CSGALNACT1: variants seen among roughly 807,000 people sequenced by gnomAD.
CSGALNACT1 encodes the protein beta4GalNAcT-1.
CSGALNACT1 carries 52 observed loss-of-function variants against 51.0 expected under a neutral mutation model. The observed-to-expected ratio is 1.02, with a 90% CI of 0.82 to 1.29. The LOEUF (loss-of-function observed/expected upper bound fraction) is 1.29, where lower values mean the gene tolerates loss of function less well. Among genes scored for constraint, CSGALNACT1 ranks in the 50% most tolerant of loss-of-function variants. CSGALNACT1 has a pLI of 0.00. For missense variants in CSGALNACT1, 935 were observed against 679.2 expected, an observed-to-expected ratio of 1.38 and a Z score of -4.19; for synonymous variants, 341 against 254.4, an observed-to-expected ratio of 1.34 and a Z score of -3.24.
chr8:19,672,311 A>G (rs1344407110), intron 1 of CSGALNACT1, among the ~76,000 whole-genome samples: 1 of 152,214 alleles, frequency 6.6e-6, no homozygotes, highest in Non-Finnish European at 1.5e-5. Context: ...AGGAACAGAG[A>G]AGAACATGCA....
intron 1 of CSGALNACT1, among the ~76,000 whole-genome samples, chr8:19,752,533 A>G (rs1212643281): frequency 1.3e-5 from 2 of 152,222 alleles, no homozygotes; most frequent in African/African-American, 4.8e-5. Context: ...TAAGTCAAAG[A>G]CCACCATTTT....
chr8:19,650,939 G>T (rs1195681287), intron 1 of CSGALNACT1, among the ~76,000 whole-genome samples: 1 of 152,108 alleles, frequency 6.6e-6, no homozygotes, highest in Non-Finnish European at 1.5e-5. Context: ...CTGGAAAGAG[G>T]CATCACCAGA....
chr8:19,711,919 C>G (rs961034409), intron 1 of CSGALNACT1, among the ~76,000 whole-genome samples: 1 of 152,174 alleles, frequency 6.6e-6, no homozygotes, highest in Admixed American at 6.5e-5. Flanking sequence ...ATTGAACCTT[C>G]CCACTAACTC....
chr8:19,580,592 G>A (rs1195572106), intron 3 of CSGALNACT1, among the ~76,000 whole-genome samples: 1 of 152,196 alleles, frequency 6.6e-6, no homozygotes, highest in African/African-American at 2.4e-5. Context: ...GAATAGAACA[G>A]CATCCAGAGA....
chr8:19,709,046 T>TA (rs1291786350), intron 1 of CSGALNACT1, among the ~76,000 whole-genome samples: 1 of 152,212 alleles, frequency 6.6e-6, no homozygotes, highest in Non-Finnish European at 1.5e-5. Flanking sequence ...TTATCATATT[T>TA]ATGTCTGTAT....
chr8:19,721,096 T>C (rs1454350592), intron 1 of CSGALNACT1, among the ~76,000 whole-genome samples: 1 of 152,248 alleles, frequency 6.6e-6, no homozygotes, highest in Non-Finnish European at 1.5e-5. Context: ...CCTTTTCTGC[T>C]GGAATTCAGT....
chr8:19,692,179 C>A (rs1439126781), intron 1 of CSGALNACT1, among the ~76,000 whole-genome samples: 1 of 152,144 alleles, frequency 6.6e-6, no homozygotes, highest in Non-Finnish European at 1.5e-5. Flanking sequence ...CTGGTCCCTC[C>A]CTCGACACAC....
chr8:19,612,946 GAAAAAAAAAAAAAA>G (rs1165754811), intron 1 of CSGALNACT1, among the ~76,000 whole-genome samples: 41 of 15,450 alleles, frequency 2.7e-3, no homozygotes, highest in South Asian at 5.6e-3. Context: ...AAAGCAGCTG[GAAAAAAAAAAAAAA>G]AAAAAAAAAA....
chr8:19,752,162 T>C (rs1225518704), intron 1 of CSGALNACT1, among the ~76,000 whole-genome samples: 1 of 148,208 alleles, frequency 6.7e-6, no homozygotes, highest in East Asian at 1.9e-4. Flanking sequence ...ACATATCATA[T>C]ATGAGTATAT....
chr8:19,456,501 A>G (rs775057125), intron 5 of CSGALNACT1, among the ~76,000 whole-genome samples: 1 of 152,254 alleles, frequency 6.6e-6, no homozygotes, highest in Non-Finnish European at 1.5e-5. Flanking sequence ...CAGGTTCAAC[A>G]ACTGCATTCA....
At chr8:19,697,462 G>C (rs560448683) in intron 1 of CSGALNACT1, among the ~76,000 whole-genome samples, 1 of 152,300 alleles carries the variant, frequency 6.6e-6, no homozygotes, top group Admixed American at 6.5e-5. Flanking sequence ...AGTCACATTA[G>C]CACCTGGGGA....
At chr8:19,557,395 G>C (rs557622516) in intron 3 of CSGALNACT1, among the ~76,000 whole-genome samples, 1 of 152,100 alleles carries the variant, frequency 6.6e-6, no homozygotes, top group African/African-American at 2.4e-5. Flanking sequence ...TTATGTTCCA[G>C]CTCCAGACTC....
At position 19,458,576 on chromosome 8, in the gene CSGALNACT1, T is replaced by A; in HGVS notation, c.701A>T (p.His234Leu). ...AAATAAGATGAGCCGTTTGAATTCG[T>A]GTTTGTGGTCCCCTTTGAAGGTGAG... The change falls in exon 5 of 10, where the codon CAC becomes CTC. Residue 234 changes from histidine (H) to leucine (L), a missense_variant. Coordinates refer to ENST00000454498, the Ensembl canonical transcript of CSGALNACT1. 2.5e-6 allele frequency: 4 copies of A among 1,614,222 alleles called. No individual in the cohort carries two copies. Among genetic ancestry groups the A allele is most frequent in the Non-Finnish European group, 3.4e-6 (4 of 1,180,058 alleles).
chr8:19,410,834 A>C (rs531469372), intron 8 of CSGALNACT1, among the ~76,000 whole-genome samples: 1 of 152,216 alleles, frequency 6.6e-6, no homozygotes, highest in Non-Finnish European at 1.5e-5. Context: ...GGTCATGCCC[A>C]CAGCATGTAA....
At chr8:19,666,819 GAGAGAGAGAGAGAGAAAGAAAGAA>G (rs2059252009) in intron 1 of CSGALNACT1, among the ~76,000 whole-genome samples, 8 of 54,380 alleles carry the variant, frequency 1.5e-4, no homozygotes, top group African/African-American at 1.8e-4. Flanking sequence ...AAGAGAGAGA[GAGAGAGAGAGAGAGAAAGAAAGAA>G]AGAAAGAAAG....
chr8:19,715,460 C>T (rs1272331308), intron 1 of CSGALNACT1, among the ~76,000 whole-genome samples: 1 of 152,200 alleles, frequency 6.6e-6, no homozygotes, highest in Non-Finnish European at 1.5e-5. Context: ...GACATGACCT[C>T]ATTCCTTTTT....
At chr8:19,703,100 C>T (rs751789239) in intron 1 of CSGALNACT1, among the ~76,000 whole-genome samples, 8 of 152,310 alleles carry the variant, frequency 5.3e-5, no homozygotes, top group African/African-American at 1.7e-4. Context: ...GAAGTGCTCA[C>T]TAGTGTCCCT....
intron 3 of CSGALNACT1, among the ~76,000 whole-genome samples, chr8:19,517,926 G>A (rs1187498152): frequency 1.3e-5 from 2 of 152,138 alleles, no homozygotes; most frequent in African/African-American, 4.8e-5. Context: ...TGCAAAAGTA[G>A]ATGCCCATGT....
At chr8:19,528,427 T>C (rs1307556145) in intron 3 of CSGALNACT1, among the ~76,000 whole-genome samples, 1 of 152,130 alleles carries the variant, frequency 6.6e-6, no homozygotes, top group African/African-American at 2.4e-5. Flanking sequence ...GGCCACTCCA[T>C]AATTTTGTCT....
Sources: allele counts gnomAD v4.1 joint callset (sites outside exome capture counted in the v4.1 genomes callset), GRCh38; gene constraint gnomAD v4.1.1; transcripts MANE v1.5; gene names NCBI Gene and HGNC (gene_info 2026-07-23, HGNC 2026-07-21).